CALCRL: variants seen among roughly 807,000 people sequenced by gnomAD.
CALCRL encodes calcitonin gene-related peptide type 1 receptor.
In CALCRL, 27 loss-of-function variants were observed where a neutral mutation model predicts 60.4. The ratio of observed to expected loss-of-function variants is 0.45; its 90% CI spans 0.33 to 0.62. The LOEUF (loss-of-function observed/expected upper bound fraction) is 0.62, where lower values mean the gene tolerates loss of function less well. CALCRL is among the 20% of genes least tolerant of loss of function. The pLI is 0.03. For synonymous variants in CALCRL, 190 were observed against 182.6 expected, an observed-to-expected ratio of 1.04 and a Z score of -0.33; for missense variants, 424 against 540.7, an observed-to-expected ratio of 0.78 and a Z score of 2.14.
At chr2:187,435,753 T>C (rs1307042528) in intron 1 of CALCRL, among the ~76,000 whole-genome samples, 1 of 152,116 alleles carries the variant, frequency 6.6e-6, no homozygotes, top group African/African-American at 2.4e-5. Context: ...AAGTTTATTA[T>C]GTGATTTAAA....
chr2:187,366,212 C>T (rs942765552), intron 8 of CALCRL, among the ~76,000 whole-genome samples: 3 of 126,686 alleles, frequency 2.4e-5, no homozygotes, highest in African/African-American at 6.2e-5. Flanking sequence ...CACTGCAGTC[C>T]GCAGTCCGGC....
chr2:187,366,733 A>G (rs947292669), intron 8 of CALCRL, among the ~76,000 whole-genome samples: 5 of 152,066 alleles, frequency 3.3e-5, no homozygotes, highest in African/African-American at 7.2e-5. Context: ...CCTCTTGTAT[A>G]CAGTTAAAGG....
intron 8 of CALCRL, among the ~76,000 whole-genome samples, chr2:187,377,306 G>A (rs1687797206): frequency 6.6e-6 from 1 of 152,094 alleles, no homozygotes; most frequent in African/African-American, 2.4e-5. Context: ...TAGTGATCAG[G>A]AAATGGAATA....
intron 9 of CALCRL, among the ~76,000 whole-genome samples, chr2:187,361,301 T>G (rs542611244): frequency 5.9e-5 from 9 of 151,942 alleles, no homozygotes; most frequent in African/African-American, 2.2e-4. Flanking sequence ...GAGGACAAAA[T>G]TATGGTTTCC....
chr2:187,346,072 T>G lies in CALCRL; in HGVS notation c.*112A>C. On this transcript the variant is annotated 3_prime_UTR_variant, in exon 15 of 15. Coordinates refer to ENST00000392370, the MANE Select transcript of CALCRL (RefSeq NM_005795.6). ...ACTAATTTCATGTGAAGGCTCTTCT[T>G]TATGACATTCAAAAAGTCATTTAAT... is the stretch of plus-strand genomic sequence containing the variant. 9.3e-6 allele frequency: 6 copies of G among 647,982 alleles called. No individual in the cohort carries two copies. Among genetic ancestry groups the G allele is most frequent in the Non-Finnish European group, 1.3e-5 (5 of 372,666 alleles). 40.1% of individuals were successfully genotyped at this position (647,982 alleles called of 1,614,324 possible). A position where few individuals can be genotyped will look rare whatever the true frequency, so the allele number is the denominator to read the frequency against.
At chr2:187,376,847 C>T (rs1687777237) in intron 8 of CALCRL, among the ~76,000 whole-genome samples, 1 of 151,988 alleles carries the variant, frequency 6.6e-6, no homozygotes, top group Admixed American at 6.6e-5. Flanking sequence ...GATATTTCAA[C>T]TTATGACATG....
intron 8 of CALCRL, among the ~76,000 whole-genome samples, chr2:187,373,939 T>A (rs1039879492): frequency 1.3e-5 from 2 of 152,074 alleles, no homozygotes; most frequent in African/African-American, 4.8e-5. Context: ...GGCAGGAGGA[T>A]CACTTGAGGT....
intron 1 of CALCRL, among the ~76,000 whole-genome samples, chr2:187,405,584 G>A (rs1423548820): frequency 6.6e-6 from 1 of 151,976 alleles, no homozygotes; most frequent in Non-Finnish European, 1.5e-5. Context: ...CACAAACACA[G>A]ACTCTAAAAT....
chr2:187,396,459 A>G (rs190868687), intron 1 of CALCRL, among the ~76,000 whole-genome samples: 128 of 151,890 alleles, frequency 8.4e-4, no homozygotes, highest in Middle Eastern at 6.8e-3. Context: ...AGAAATTAAC[A>G]TTTTCTGAAT....
intron 1 of CALCRL, among the ~76,000 whole-genome samples, chr2:187,439,115 A>G (rs959145957): frequency 6.6e-6 from 1 of 152,148 alleles, no homozygotes; most frequent in Non-Finnish European, 1.5e-5. Flanking sequence ...TGCTTCATAT[A>G]TATTAGTGAA....
intron 8 of CALCRL, among the ~76,000 whole-genome samples, chr2:187,368,256 T>C (rs1403182400): frequency 6.6e-6 from 1 of 152,064 alleles, no homozygotes; most frequent in Non-Finnish European, 1.5e-5. Flanking sequence ...AGCATAATTA[T>C]CATATGGTTG....
intron 9 of CALCRL, among the ~76,000 whole-genome samples, chr2:187,361,406 G>A (rs997134105): frequency 6.6e-6 from 1 of 151,898 alleles, no homozygotes; most frequent in African/African-American, 2.4e-5. Flanking sequence ...ACACAAAAGA[G>A]TAAGAGTGAG....
chr2:187,392,186 T>C (rs1244603157), intron 1 of CALCRL, among the ~76,000 whole-genome samples: 1 of 152,188 alleles, frequency 6.6e-6, no homozygotes, highest in Admixed American at 6.6e-5. Context: ...TTGAGTCACC[T>C]AGCCCTAATA....
intron 1 of CALCRL, among the ~76,000 whole-genome samples, chr2:187,406,889 G>A (rs1241554371): frequency 5.3e-5 from 8 of 152,010 alleles, no homozygotes; most frequent in Admixed American, 5.2e-4. Context: ...TGGAAAAAAT[G>A]GAGCTATTTT....
intron 5 of CALCRL, 99 bp downstream of exon 5, chr2:187,383,073 AT>A (rs1362498577): frequency 1.7e-6 from 2 of 1,182,718 alleles, no homozygotes; most frequent in Non-Finnish European, 2.4e-6. Flanking sequence ...GTAGCAATCT[AT>A]TTTTAATAAT....
intron 3 of CALCRL, 129 bp from the exon 4 acceptor site, chr2:187,385,760 CATTTTT>C: frequency 3.2e-6 from 2 of 616,046 alleles, no homozygotes; most frequent in East Asian, 3.1e-5. Context: ...TTTGATAAAT[CATTTTT>C]TTTAAGACAA....
At chr2:187,360,229 A>G (rs909908254) in intron 10 of CALCRL, among the ~76,000 whole-genome samples, 11 of 152,074 alleles carry the variant, frequency 7.2e-5, no homozygotes, top group Admixed American at 2.6e-4. Flanking sequence ...AAGATGTTTG[A>G]ACCCAATGCT....
intron 1 of CALCRL, among the ~76,000 whole-genome samples, chr2:187,394,405 GAGAT>G (rs1688577504): frequency 6.6e-6 from 1 of 152,066 alleles, no homozygotes. Context: ...ATAGAACTGT[GAGAT>G]AGATAGTAAA....
intron 1 of CALCRL, among the ~76,000 whole-genome samples, chr2:187,445,224 A>AG (rs1286889914): frequency 6.6e-6 from 1 of 151,558 alleles, no homozygotes; most frequent in Non-Finnish European, 1.5e-5. Flanking sequence ...TCTTTCATTA[A>AG]CACCCTTGCA....
Sources: gnomAD v4.1 joint callset for allele counts (sites outside exome capture counted in the v4.1 genomes callset) on GRCh38, gnomAD v4.1.1 for gene constraint, MANE v1.5 for transcripts, NCBI Gene and HGNC (gene_info 2026-07-23, HGNC 2026-07-21) for gene names.